Variants in TIRAP observed in about 807,000 individuals in gnomAD.
TIRAP encodes toll/interleukin-1 receptor domain-containing adapter protein.
A neutral mutation model predicts 19.8 loss-of-function variants in TIRAP; 20 were observed. That is an observed-to-expected ratio of 1.01 (90% CI 0.71 to 1.47). The LOEUF (loss-of-function observed/expected upper bound fraction) is 1.47, where lower values mean the gene tolerates loss of function less well. Ranked by LOEUF, TIRAP falls within the 40% of genes most tolerant of loss-of-function variation. TIRAP has a pLI of 0.00. For missense variants in TIRAP, 276 were observed against 285.1 expected, an observed-to-expected ratio of 0.97 and a Z score of 0.23; for synonymous variants, 125 against 121.7, an observed-to-expected ratio of 1.03 and a Z score of -0.18.
chr11:126,283,609 G>A (rs1029183058), intron 1 of TIRAP, among the ~76,000 whole-genome samples: 5 of 152,238 alleles, frequency 3.3e-5, no homozygotes, highest in African/African-American at 1.2e-4. Context: ...TTACACCACA[G>A]TCATGGGCAG....
rs1173739592 is a variant in TIRAP at position 126,290,440 on chromosome 11, T to C, written c.-216-22T>C. The C allele has an allele frequency of 1.6e-5, 16 of 990,220 alleles. No homozygotes were observed. The highest frequency in any genetic ancestry group is 1.8e-5 in the Non-Finnish European group (15 of 833,350). 61.3% of individuals were successfully genotyped at this position (990,220 alleles called of 1,614,324 possible). A position where few individuals can be genotyped will look rare whatever the true frequency, so the allele number is the denominator to read the frequency against. On this transcript the variant is annotated intron_variant, in intron 1 of 4. Coordinates refer to ENST00000392679, the MANE Select transcript of TIRAP (RefSeq NM_001318777.2). The surrounding 1 kb of genome is among the most constrained non-coding windows in gnomAD (Gnocchi z 4.9). ...CATAATTATTTGTCCAAATAGCAAC[T>C]GTCCTTCTTCTGCCATTTCAGGCCT...
intron 1 of TIRAP, among the ~76,000 whole-genome samples, chr11:126,286,193 C>T (rs763918518): frequency 1.3e-5 from 2 of 151,864 alleles, no homozygotes; most frequent in Non-Finnish European, 2.9e-5. Flanking sequence ...GGTAAAACCT[C>T]GTGTCTACTA....
chr11:126,293,399 A>C, intron 4 of TIRAP: 1 of 704,048 alleles, frequency 1.4e-6, no homozygotes, highest in Non-Finnish European at 2.6e-6. Context: ...AGCTAGTAGT[A>C]GTAACAGTAA....
At chr11:126,284,723 G>A (rs886157873) in intron 1 of TIRAP, among the ~76,000 whole-genome samples, 1 of 151,900 alleles carries the variant, frequency 6.6e-6, no homozygotes, top group African/African-American at 2.4e-5. Flanking sequence ...GCGTGATGGC[G>A]GGTGTCGGTA....
In TIRAP at chr11:126,293,837, G is replaced by A. The variant is rs765928079; in HGVS notation, c.*150G>A. ...GACCCTGGGATCAGAGCACCCATCA[G>A]GCTTCCATTACTGTGGGCTCCCTAA... On this transcript the variant is annotated 3_prime_UTR_variant, in exon 5 of 5. Coordinates refer to ENST00000392679, the MANE Select transcript of TIRAP (RefSeq NM_001318777.2). The A allele has an allele frequency of 4.7e-6, 4 of 852,610 alleles. No individual in the cohort carries two copies. The highest frequency in any genetic ancestry group is 2.6e-5 in the East Asian group (1 of 38,274). 52.8% of individuals were successfully genotyped at this position (852,610 alleles called of 1,614,324 possible).
Position 126,291,059 on chromosome 11 carries a change from A to G in TIRAP, c.67+98A>G, listed in dbSNP as rs1002285492. The G allele has an allele frequency of 6.7e-5, 94 of 1,406,516 alleles. No individual in the cohort carries two copies. Among genetic ancestry groups the G allele is most frequent in the Non-Finnish European group, 8.5e-5 (89 of 1,045,740 alleles). 87.1% of individuals were successfully genotyped at this position (1,406,516 alleles called of 1,614,324 possible). On this transcript the variant is annotated intron_variant, in intron 3 of 4. Coordinates refer to ENST00000392679, the MANE Select transcript of TIRAP (RefSeq NM_001318777.2). This position sits in a 1 kb window ranked among gnomAD's most constrained non-coding sequence, Gnocchi z 5.6. ...AGGCCTGCCTGGTCCAAACTCAGAG[A>G]GACGCAGGAAGGCTGACGTGGGGAA...
intron 1 of TIRAP, among the ~76,000 whole-genome samples, chr11:126,284,253 C>T (rs1951291071): frequency 6.6e-6 from 1 of 151,990 alleles, no homozygotes; most frequent in Admixed American, 6.5e-5. Context: ...AGGGTGGTCT[C>T]GAACTCCTGA....
At position 126,291,574 on chromosome 11, in the gene TIRAP, G is replaced by A. The variant is rs1380261933; in HGVS notation, c.67+613G>A. The A allele has an allele frequency of 2.0e-6, 1 of 502,808 alleles. No individual in the cohort carries two copies. The allele number at this position is 502,808 out of a possible 1,614,324, so 31.1% of individuals were successfully genotyped here. On this transcript the variant is annotated intron_variant, in intron 3 of 4. Coordinates refer to ENST00000392679, the MANE Select transcript of TIRAP (RefSeq NM_001318777.2). This position sits in a 1 kb window ranked among gnomAD's most constrained non-coding sequence, Gnocchi z 5.6. ...CCGTGTCCCTGACTCCAGAGTGTGG[G>A]TTCTGAATCACGAAGCTCTCTGCTC...
intron 3 of TIRAP, among the ~76,000 whole-genome samples, 189 bp from the exon 4 acceptor site, chr11:126,292,288 T>C (rs1591374038): frequency 8.4e-6 from 1 of 119,670 alleles, no homozygotes; most frequent in Admixed American, 1.0e-4. Context: ...TGGGTGAGAG[T>C]GAGACTCTGC....
intron 1 of TIRAP, among the ~76,000 whole-genome samples, chr11:126,285,511 C>T (rs775563149): frequency 2.0e-5 from 3 of 151,490 alleles, no homozygotes; most frequent in African/African-American, 4.8e-5. Flanking sequence ...CCGCCCGCCT[C>T]GGCCTCCCAA....
chr11:126,294,645 T>C lies in TIRAP; in HGVS notation c.*958T>C, dbSNP rs1951451344. 1 of 433,852 alleles carries C rather than the reference T, an allele frequency of 2.3e-6. No individual in the cohort carries two copies. Among genetic ancestry groups the C allele is most frequent in the Non-Finnish European group, 4.6e-6 (1 of 215,600 alleles). The allele number at this position is 433,852 out of a possible 1,614,324, so 26.9% of individuals were successfully genotyped here. On this transcript the variant is annotated 3_prime_UTR_variant, in exon 5 of 5. Coordinates refer to ENST00000392679, the MANE Select transcript of TIRAP (RefSeq NM_001318777.2). ...GTTTCATTCATCTGTTCTCAGTAAG[T>C]TTGTTGTTGAACTGAAATGAATTTC...
Position 126,293,027 on chromosome 11 carries a change from T to C in TIRAP, c.618T>C (p.Phe206=). 1 of 1,614,196 alleles carries C rather than the reference T, an allele frequency of 6.2e-7. No individual in the cohort carries two copies. The highest frequency in any genetic ancestry group is 8.5e-7 in the Non-Finnish European group (1 of 1,180,030). ...YVDGRGPDGG[F]RQVKEAVMRY... ...ATGGCAGGGGCCCTGATGGTGGCTT[T>C]CGTCAAGTCAAAGAAGCTGTCATGC... The change falls in exon 4 of 5, where the codon TTT becomes TTC. Residue 206 remains phenylalanine, a synonymous_variant. Coordinates refer to ENST00000392679, the MANE Select transcript of TIRAP (RefSeq NM_001318777.2).
At chr11:126,293,171 G>C in intron 4 of TIRAP, 116 bp downstream of exon 4, 1 of 1,561,556 alleles carries the variant, frequency 6.4e-7, no homozygotes, top group East Asian at 2.3e-5. Flanking sequence ...TTCTGGAAAA[G>C]GCTGTCGGGG....
intron 1 of TIRAP, among the ~76,000 whole-genome samples, chr11:126,285,886 TA>T (rs1446484993): frequency 6.8e-6 from 1 of 147,418 alleles, no homozygotes; most frequent in East Asian, 2.1e-4. Context: ...CAAGAAAAAT[TA>T]AAAAATGAAA....
In TIRAP at chr11:126,287,873, C is replaced by G. The variant is rs1023020437; in HGVS notation, c.-216-2589C>G. On this transcript the variant is annotated intron_variant, in intron 1 of 4. Transcript: ENST00000392679. The surrounding 1 kb of genome is among the most constrained non-coding windows in gnomAD (Gnocchi z 4.2). ...GGTTCAAGGGATTATCCAGCCTCAG[C>G]CACCCAAGTAGCTAGGATTACAGGT... Among the ~76,000 whole-genome samples the G allele has an allele frequency of 6.6e-6, 1 of 152,188 alleles. No homozygotes were observed. The highest frequency in any genetic ancestry group is 2.4e-5 in the African/African-American group (1 of 41,448).
rs1951274778 is a variant in TIRAP, at chr11:126,283,147, C to A, written c.-223C>A. 2 of 984,780 alleles carry A rather than the reference C, an allele frequency of 2.0e-6. No individual in the cohort carries two copies. The highest frequency in any genetic ancestry group is 1.7e-5 in the African/African-American group (1 of 57,190). The allele number at this position is 984,780 out of a possible 1,614,324, so 61.0% of individuals were successfully genotyped here. A position where few individuals can be genotyped will look rare whatever the true frequency, so the allele number is the denominator to read the frequency against. The stretch of plus-strand genomic sequence containing the variant: ...GCAGCCCTCATCGCAACTGGGCCCG[C>A]GCGCAGGTGAGCCCGGGGCGGGGTC... On this transcript the variant is annotated 5_prime_UTR_variant, in exon 1 of 5. Transcript: ENST00000392679.
chr11:126,291,608 C>T lies in TIRAP; in HGVS notation c.67+647C>T. 2 of 448,912 alleles carry T rather than the reference C, an allele frequency of 4.5e-6. No individual in the cohort carries two copies. Among genetic ancestry groups the T allele is most frequent in the Non-Finnish European group, 8.9e-6 (2 of 224,112 alleles). 27.8% of individuals were successfully genotyped at this position (448,912 alleles called of 1,614,324 possible). ...CACGAAGCTCTCTGCTCCTCAGCAA[C>T]TCTGAGCAGTAGCCTCTTCCCCATT... On this transcript the variant is annotated intron_variant, in intron 3 of 4. Transcript: ENST00000392679. The surrounding 1 kb of genome is among the most constrained non-coding windows in gnomAD (Gnocchi z 5.6).
In TIRAP at chr11:126,291,063, G is replaced by A. The variant is rs1465394397; in HGVS notation, c.67+102G>A. 76 of 1,388,630 alleles carry A rather than the reference G, an allele frequency of 5.5e-5. No individual in the cohort carries two copies. Among genetic ancestry groups the A allele is most frequent in the Non-Finnish European group, 7.0e-5 (72 of 1,030,858 alleles). 86.0% of individuals were successfully genotyped at this position (1,388,630 alleles called of 1,614,324 possible). On this transcript the variant is annotated intron_variant, in intron 3 of 4. Coordinates refer to ENST00000392679, the MANE Select transcript of TIRAP (RefSeq NM_001318777.2). The surrounding 1 kb of genome is among the most constrained non-coding windows in gnomAD (Gnocchi z 5.6). ...CTGCCTGGTCCAAACTCAGAGAGAC[G>A]CAGGAAGGCTGACGTGGGGAACTCC...
rs139098112 is a variant in TIRAP at position 126,292,680 on chromosome 11, T to C, written c.271T>C (p.Cys91Arg). 1.9e-6 allele frequency: 3 copies of C among 1,613,922 alleles called. No individual in the cohort carries two copies. Among genetic ancestry groups the C allele is most frequent in the South Asian group, 2.2e-5 (2 of 91,062 alleles). Residue 91 changes from cysteine to arginine, a missense_variant, in exon 4 of 5, where the codon TGC (cysteine) becomes CGC (arginine). Transcript: ENST00000392679. Reference protein sequence around the residue: ...RWSKDYDVCVCHSEEDLVAAQ... With the variant: ...RWSKDYDVCVRHSEEDLVAAQ... ...GAGCAAAGACTATGACGTCTGCGTG[T>C]GCCACAGTGAGGAAGACCTGGTGGC...
Sources: allele counts gnomAD v4.1 joint callset (sites outside exome capture counted in the v4.1 genomes callset), GRCh38; gene constraint gnomAD v4.1.1; non-coding constraint Gnocchi (gnomAD v3.1); transcripts MANE v1.5; gene names NCBI Gene and HGNC (gene_info 2026-07-23, HGNC 2026-07-21).